The following VSIR variants were observed in gnomAD, a reference collection of about 807,000 sequenced individuals.
The protein encoded by VSIR is V-set immunoregulatory receptor, also known as V-type immunoglobulin domain-containing suppressor of T-cell activation.
A neutral mutation model predicts 31.0 loss-of-function variants in VSIR; 10 were observed. That is an observed-to-expected ratio of 0.32 (90% confidence interval 0.20 to 0.55). VSIR has a LOEUF of 0.55. Ranked by LOEUF, VSIR falls within the 20% of genes least tolerant of loss-of-function variation. VSIR has a pLI of 0.93. For synonymous variants in VSIR, 179 were observed against 180.1 expected, an observed-to-expected ratio of 0.99 and a Z score of 0.05; for missense variants, 356 against 416.2, an observed-to-expected ratio of 0.86 and a Z score of 1.26.
intron 3 of VSIR, among the ~76,000 whole-genome samples, chr10:71,759,718 A>G (rs1392361349): frequency 1.3e-5 from 2 of 151,666 alleles, no homozygotes; most frequent in Admixed American, 1.3e-4. Context: ...AGGCTGAGGC[A>G]GAAGAATCGC....
chr10:71,759,475 C>T (rs1001412789), intron 3 of VSIR, among the ~76,000 whole-genome samples: 1 of 151,894 alleles, frequency 6.6e-6, no homozygotes, highest in Non-Finnish European at 1.5e-5. Flanking sequence ...CCACTGCATT[C>T]CAGCCTGAGT....
chr10:71,751,572 C>T lies in VSIR; in HGVS notation c.898+96G>A, dbSNP rs537724319. 8.4e-4 allele frequency: 1,174 copies of T among 1,393,626 alleles called. 8 individuals carry two copies. In the African/African-American group the frequency reaches 0.014, roughly 17 times the overall value. The allele number at this position is 1,393,626 out of a possible 1,614,324, so 86.3% of individuals were successfully genotyped here. On this transcript the variant is annotated intron_variant, in intron 6 of 6. Coordinates refer to ENST00000394957, the MANE Select transcript of VSIR (RefSeq NM_022153.2). This position sits in a 1 kb window ranked among gnomAD's most constrained non-coding sequence, Gnocchi z 4.9. ...AACCCCACCCCGTGAGGCCGTGGAA[C>T]TCTTCAGGGAGGGCAGGGAGTGAGG...
In VSIR at chr10:71,751,406, C is replaced by A. The variant is rs1334617771; in HGVS notation, c.899-116G>T. On this transcript the variant is annotated intron_variant, in intron 6 of 6. Coordinates refer to ENST00000394957, the MANE Select transcript of VSIR (RefSeq NM_022153.2). The surrounding 1 kb of genome is among the most constrained non-coding windows in gnomAD (Gnocchi z 4.9). The stretch of plus-strand genomic sequence containing the variant: ...TGAATGGGGGCCCCTCTGTCCCTCA[C>A]CCTCAACCCCACCCCGTGAGGCCGT... 1.9e-6 allele frequency: 1 copy of A among 516,340 alleles called. No individual in the cohort carries two copies. The highest frequency in any genetic ancestry group is 3.4e-5 in the East Asian group (1 of 29,760). 32.0% of individuals were successfully genotyped at this position (516,340 alleles called of 1,614,324 possible). A position where few individuals can be genotyped will look rare whatever the true frequency, so the allele number is the denominator to read the frequency against.
rs1167293435 is a variant in VSIR at position 71,765,602 on chromosome 10, G to A, written c.83-3576C>T. 2.0e-5 allele frequency among the ~76,000 whole-genome samples: 3 copies of A among 152,164 alleles called. No homozygotes were observed. The East Asian group carries it at 5.8e-4, about 29-fold the overall frequency. ...TACCCATAGCACCCGCAGCAGTAGG[G>A]AAGGGATGTTCTCCCCTGGAGGCAA... On this transcript the variant is annotated intron_variant, in intron 1 of 6. Coordinates refer to ENST00000394957, the MANE Select transcript of VSIR (RefSeq NM_022153.2).
intron 1 of VSIR, among the ~76,000 whole-genome samples, chr10:71,768,560 C>T (rs532230344): frequency 1.5e-3 from 234 of 152,218 alleles, no homozygotes; most frequent in African/African-American, 5.3e-3. Flanking sequence ...ACTGTAACCT[C>T]GAACTCATGG....
chr10:71,750,942 C>T lies in VSIR; in HGVS notation c.*311G>A. On this transcript the variant is annotated 3_prime_UTR_variant, in exon 7 of 7. Transcript: ENST00000394957. ...GGCTCATGTCTCAGAACGAGAGCTGCTGAAGGGCTGGACGTTCTGAGACTT... is the reference window on the plus strand; with the variant it reads ...GGCTCATGTCTCAGAACGAGAGCTGTTGAAGGGCTGGACGTTCTGAGACTT... 3.1e-6 allele frequency: 1 copy of T among 321,478 alleles called. No homozygotes were observed. The highest frequency in any genetic ancestry group is 5.7e-6 in the Non-Finnish European group (1 of 174,828). 19.9% of individuals were successfully genotyped at this position (321,478 alleles called of 1,614,324 possible).
In VSIR at chr10:71,748,707, G is replaced by T. The variant is rs895824550; in HGVS notation, c.*2546C>A. 1.3e-5 allele frequency: 2 copies of T among 152,670 alleles called. No individual in the cohort carries two copies. Among genetic ancestry groups the T allele is most frequent in the Non-Finnish European group, 2.9e-5 (2 of 68,138 alleles). 9.5% of individuals were successfully genotyped at this position (152,670 alleles called of 1,614,324 possible). ...CCCCTAGTGCTCCTCCCGCCCCCTG[G>T]AGGCGCCATGTTCTCGCACCCAGCT... On this transcript the variant is annotated 3_prime_UTR_variant, in exon 7 of 7. Transcript: ENST00000394957.
At position 71,773,471 on chromosome 10, in the gene VSIR, T is replaced by C. The variant is rs1208946955; in HGVS notation, c.-32A>G. ...GTCGGACGCGCAGAGGAACTTCTGG[T>C]GCCGGGGAGCGGGCGGGACGCGGCC... On this transcript the variant is annotated 5_prime_UTR_variant, in exon 1 of 7. Coordinates refer to ENST00000394957, the MANE Select transcript of VSIR (RefSeq NM_022153.2). 1 of 1,566,932 alleles carries C rather than the reference T, an allele frequency of 6.4e-7. No homozygotes were observed. Among genetic ancestry groups the C allele is most frequent in the Non-Finnish European group, 8.7e-7 (1 of 1,154,982 alleles).
At chr10:71,760,211 G>GTA in intron 3 of VSIR, among the ~76,000 whole-genome samples, 1 of 11,130 alleles carries the variant, frequency 9.0e-5, no homozygotes, top group Non-Finnish European at 2.9e-4. Context: ...ATATATGTGT[G>GTA]TATATATGTG....
intron 5 of VSIR, among the ~76,000 whole-genome samples, chr10:71,752,771 A>G (rs1333699969): frequency 1.3e-5 from 2 of 151,852 alleles, no homozygotes; most frequent in Non-Finnish European, 2.9e-5. Context: ...GACACATCTG[A>G]GCAGAATCAG....
At chr10:71,760,654 G>A in intron 3 of VSIR, 1 of 562,576 alleles carries the variant, frequency 1.8e-6, no homozygotes, top group South Asian at 2.1e-5. Flanking sequence ...GAGTCAAGAG[G>A]AGCAGAGACT....
In VSIR at chr10:71,750,488, C is replaced by A. The variant is rs1053799328; in HGVS notation, c.*765G>T. 1.3e-5 allele frequency: 2 copies of A among 152,452 alleles called. No individual in the cohort carries two copies. The highest frequency in any genetic ancestry group is 3.9e-4 in the East Asian group (2 of 5,188). 9.4% of individuals were successfully genotyped at this position (152,452 alleles called of 1,614,324 possible). On this transcript the variant is annotated 3_prime_UTR_variant, in exon 7 of 7. Transcript: ENST00000394957. ...TCTCCACTCACCTTCCCAGAAGGCCCCACCCACCTCCCTCAGCACCATCTC... is the reference window on the plus strand; with the variant it reads ...TCTCCACTCACCTTCCCAGAAGGCCACACCCACCTCCCTCAGCACCATCTC...
intron 4 of VSIR, 26 bp from the exon 5 acceptor site, chr10:71,753,028 G>T (rs1465109328): frequency 1.2e-6 from 2 of 1,610,118 alleles, no homozygotes; most frequent in South Asian, 2.2e-5. Context: ...CAGAGAAGCT[G>T]GTCATGGAAG....
intron 1 of VSIR, among the ~76,000 whole-genome samples, chr10:71,764,679 A>G (rs1181991944): frequency 6.6e-6 from 1 of 152,124 alleles, no homozygotes; most frequent in East Asian, 1.9e-4. Context: ...CTACTCCCTA[A>G]TAATTCCACC....
At chr10:71,754,598 G>A (rs575313564) in intron 4 of VSIR, among the ~76,000 whole-genome samples, 2 of 152,276 alleles carry the variant, frequency 1.3e-5, no homozygotes, top group Non-Finnish European at 2.9e-5. Context: ...GGAGGTGAAA[G>A]ATGTTTGTGC....
In VSIR at chr10:71,751,619, G is replaced by A. The variant is rs751948153; in HGVS notation, c.898+49C>T. On this transcript the variant is annotated intron_variant, in intron 6 of 6. Coordinates refer to ENST00000394957, the MANE Select transcript of VSIR (RefSeq NM_022153.2). This position sits in a 1 kb window ranked among gnomAD's most constrained non-coding sequence, Gnocchi z 4.9. ...GAGGCCGATGCCCTGCAGGCCATGA[G>A]GTCATGACCTTACAGGTCATCGTGC... The A allele has an allele frequency of 4.0e-6, 6 of 1,490,826 alleles. No individual in the cohort carries two copies. The highest frequency in any genetic ancestry group is 4.5e-6 in the Non-Finnish European group (5 of 1,113,608). 92.3% of individuals were successfully genotyped at this position (1,490,826 alleles called of 1,614,324 possible). A position where few individuals can be genotyped will look rare whatever the true frequency, so the allele number is the denominator to read the frequency against.
intron 1 of VSIR, 145 bp from the exon 2 acceptor site, chr10:71,762,171 C>T: frequency 1.0e-6 from 1 of 962,738 alleles, no homozygotes; most frequent in Non-Finnish European, 1.5e-6. Flanking sequence ...CTGCCTTCTG[C>T]ATTTGTTCAC....
In VSIR at chr10:71,749,122, C is replaced by A. The variant is rs57734913; in HGVS notation, c.*2131G>T. 14,715 of 152,174 alleles carry A rather than the reference C, an allele frequency of 0.097. 730 individuals are homozygous for A. The highest frequency in any genetic ancestry group is 0.14 in the South Asian group (661 of 4,830). 9.4% of individuals were successfully genotyped at this position (152,174 alleles called of 1,614,324 possible). On this transcript the variant is annotated 3_prime_UTR_variant, in exon 7 of 7. Transcript: ENST00000394957. Reference sequence around the variant, plus strand: ...GAAGTTGTCTCTGCCTCAAGGTCAGCAGCTGAGGGCTGGGGCCAGGCCAGC... The same window carrying A: ...GAAGTTGTCTCTGCCTCAAGGTCAGAAGCTGAGGGCTGGGGCCAGGCCAGC...
Position 71,760,008 on chromosome 10 carries a change from TATAC to T in VSIR, c.568+856_568+859del, listed in dbSNP as rs1333279196. ...ATATATACACACACACATACATATA[TATAC>T]ACACACACATATATACACACACACA... is the stretch of plus-strand genomic sequence containing the variant. On this transcript the variant is annotated intron_variant, in intron 3 of 6. Transcript: ENST00000394957. 3.0e-5 allele frequency among the ~76,000 whole-genome samples: 3 copies of T among 101,674 alleles called. 1 individual carries two copies. The highest frequency in any genetic ancestry group is 1.1e-4 in the African/African-American group (3 of 28,366). The allele number at this position is 101,674 out of a possible 152,430, so 66.7% of individuals were successfully genotyped here. A position where few individuals can be genotyped will look rare whatever the true frequency, so the allele number is the denominator to read the frequency against.
Sources: allele counts gnomAD v4.1 joint callset (sites outside exome capture counted in the v4.1 genomes callset), GRCh38; gene constraint gnomAD v4.1.1; non-coding constraint Gnocchi (gnomAD v3.1); transcripts MANE v1.5; gene names NCBI Gene and HGNC (gene_info 2026-07-23, HGNC 2026-07-21).